MGST2: variants seen among roughly 807,000 people sequenced by gnomAD.
The protein encoded by MGST2 is microsomal glutathione S-transferase 2.
MGST2 carries 9 observed loss-of-function variants against 16.6 expected under a neutral mutation model. The observed-to-expected ratio is 0.54, with a 90% CI of 0.33 to 0.95. The LOEUF is 0.95. Among genes scored for constraint, MGST2 ranks in the 40% least tolerant of loss-of-function variants. MGST2 has a pLI of 0.03. For synonymous variants in MGST2, 79 were observed against 68.0 expected (o/e 1.16, Z -0.79); for missense variants, 159 against 175.1 (o/e 0.91, Z 0.52).
the MGST2 span, among the ~76,000 whole-genome samples, chr4:139,753,204 T>A: frequency 6.6e-6 from 1 of 152,210 alleles, no homozygotes; most frequent in African/African-American, 2.4e-5. Flanking sequence ...CTTTTAAGTG[T>A]ACAATTCAGT....
chr4:139,678,822 T>G, intron 2 of MGST2, 180 bp downstream of exon 2: 1 of 646,110 alleles, frequency 1.5e-6, no homozygotes, highest in Non-Finnish European at 2.8e-6. Flanking sequence ...GTTCGGGGCA[T>G]GAAGTCTCTG....
At chr4:139,708,416 A>G (rs1404659880), downstream of MGST2, among the ~76,000 whole-genome samples, 1 of 151,878 alleles carries the variant, frequency 6.6e-6, no homozygotes, top group Admixed American at 6.6e-5. Flanking sequence ...TGTTCCATTG[A>G]TCTATATCTC....
chr4:139,677,741 A>T (rs904577778), intron 1 of MGST2, among the ~76,000 whole-genome samples: 3 of 152,088 alleles, frequency 2.0e-5, no homozygotes, highest in African/African-American at 7.2e-5. Context: ...GACCTTGGGT[A>T]ATCCACCCGT....
intron 1 of MGST2, 32 bp downstream of exon 1, chr4:139,666,109 C>A (rs2646047): frequency 2.1e-6 from 3 of 1,418,502 alleles, no homozygotes; most frequent in Non-Finnish European, 2.8e-6. Flanking sequence ...TGTGTGTGCG[C>A]GTGTGTGCGT....
intron 5 of MGST2, chr4:139,718,896 GCT>G (rs1728105156): frequency 5.8e-6 from 1 of 171,322 alleles, no homozygotes; most frequent in African/African-American, 2.4e-5. Context: ...CCTGGCTGAG[GCT>G]CTGTCTCTTT....
chr4:139,730,882 T>A (rs930893999), intron 5 of MGST2: 1 of 590,230 alleles, frequency 1.7e-6, no homozygotes, highest in Admixed American at 3.0e-5. Flanking sequence ...TAAGAGAGCA[T>A]GGCTCTGGGA....
rs1462683928 is a variant in MGST2 at position 139,735,211 on chromosome 4, A to C, written c.*49-5001A>C. On this transcript the variant is annotated intron_variant, in intron 5 of 5. Transcript: ENST00000616265. The surrounding 1 kb of genome is among the most constrained non-coding windows in gnomAD (Gnocchi z 5.8). ...GTGTTCGCACGGCGTGATGGACATCACACACGACAGCCTGAGACAATCCAG... is the reference window on the plus strand; with the variant it reads ...GTGTTCGCACGGCGTGATGGACATCCCACACGACAGCCTGAGACAATCCAG... 6.6e-6 allele frequency among the ~76,000 whole-genome samples: 1 copy of C among 152,232 alleles called. No homozygotes were observed. Among genetic ancestry groups the C allele is most frequent in the Admixed American group, 6.5e-5 (1 of 15,282 alleles).
chr4:139,691,684 TGATGATGATG>T (rs1726597094), intron 2 of MGST2, among the ~76,000 whole-genome samples: 10 of 140,626 alleles, frequency 7.1e-5, no homozygotes, highest in Admixed American at 7.0e-4. Flanking sequence ...ATGATGATGA[TGATGATGATG>T]ATGATTATTA....
At chr4:139,671,014 T>C (rs988057379) in intron 1 of MGST2, among the ~76,000 whole-genome samples, 15 of 152,098 alleles carry the variant, frequency 9.9e-5, no homozygotes, top group African/African-American at 3.6e-4. Context: ...TGAGATTTGA[T>C]GGTTTGTAGG....
intron 5 of MGST2, among the ~76,000 whole-genome samples, chr4:139,709,338 C>G (rs1199669621): frequency 2.0e-5 from 3 of 152,094 alleles, no homozygotes; most frequent in African/African-American, 7.2e-5. Flanking sequence ...CCACCTCAGC[C>G]TCCCAAAGTG....
intron 5 of MGST2, chr4:139,716,789 C>A (rs950433700): frequency 1.3e-5 from 2 of 152,334 alleles, no homozygotes; most frequent in Non-Finnish European, 2.9e-5. Context: ...TTTTTGTTTT[C>A]TTTAAAAGTG....
chr4:139,730,548 C>T (rs1356723825), intron 5 of MGST2: 2 of 1,580,762 alleles, frequency 1.3e-6, no homozygotes, highest in Non-Finnish European at 1.7e-6. Flanking sequence ...CTGCTTGGGG[C>T]TGGCTGCCCA....
At chr4:139,720,440 C>T in intron 5 of MGST2, 1 of 865,326 alleles carries the variant, frequency 1.2e-6, no homozygotes, top group Non-Finnish European at 1.7e-6. Flanking sequence ...AGGATCTACT[C>T]TGATAATAAA....
chr4:139,753,921 G>A, the MGST2 span, among the ~76,000 whole-genome samples: 1 of 152,150 alleles, frequency 6.6e-6, no homozygotes, highest in East Asian at 1.9e-4. Flanking sequence ...GACAGATAAG[G>A]GAATGATTAA....
Position 139,665,845 on chromosome 4 carries a change from G to A in MGST2, c.-175G>A. ...TAAAGATCTGTGACCGGCAGCCCCA[G>A]ACCTGCCTGCCTTCCTGACTTCTGT... On this transcript the variant is annotated 5_prime_UTR_variant, in exon 1 of 5. Transcript: ENST00000265498. The A allele has an allele frequency of 1.4e-6, 1 of 697,492 alleles. No individual in the cohort carries two copies. Among genetic ancestry groups the A allele is most frequent in the Non-Finnish European group, 2.6e-6 (1 of 386,716 alleles). 43.2% of individuals were successfully genotyped at this position (697,492 alleles called of 1,614,324 possible).
At chr4:139,697,548 T>C (rs1726996310) in intron 3 of MGST2, among the ~76,000 whole-genome samples, 1 of 152,234 alleles carries the variant, frequency 6.6e-6, no homozygotes, top group Admixed American at 6.5e-5. Flanking sequence ...TTCCTTTTGC[T>C]TAAAGTTGTC....
At chr4:139,687,788 G>A (rs1185544010) in intron 2 of MGST2, 2 of 152,160 alleles carry the variant, frequency 1.3e-5, no homozygotes, top group Non-Finnish European at 2.9e-5. Context: ...CAGCCTTTCT[G>A]AGTTACTAGC....
At chr4:139,753,656 T>C in the MGST2 span, among the ~76,000 whole-genome samples, 1 of 152,216 alleles carries the variant, frequency 6.6e-6, no homozygotes, top group African/African-American at 2.4e-5. Context: ...CCTACATACA[T>C]CCCTGAGGCT....
At chr4:139,689,059 A>G (rs1447097954) in intron 2 of MGST2, among the ~76,000 whole-genome samples, 1 of 148,732 alleles carries the variant, frequency 6.7e-6, no homozygotes, top group Non-Finnish European at 1.5e-5. Context: ...GTGAGCTGAG[A>G]TCACACCACT....
Sources: gnomAD v4.1 joint callset for allele counts (sites outside exome capture counted in the v4.1 genomes callset) on GRCh38, gnomAD v4.1.1 for gene constraint, Gnocchi (gnomAD v3.1) non-coding constraint, MANE v1.5 for transcripts, NCBI Gene and HGNC (gene_info 2026-07-23, HGNC 2026-07-21) for gene names.